The following TLN2 variants were observed in gnomAD, a reference collection of about 807,000 sequenced individuals.
The protein encoded by TLN2 is talin 2.
Under a neutral mutation model 294.7 loss-of-function variants are expected in TLN2, and 118 were observed. The ratio of observed to expected loss-of-function variants is 0.40; its 90% confidence interval spans 0.34 to 0.47. The LOEUF (loss-of-function observed/expected upper bound fraction) is 0.47. Among genes scored for constraint, TLN2 ranks in the 20% least tolerant of loss-of-function variants. The probability of loss-of-function intolerance (pLI) is 0.84; values close to 1 mark genes in which losing one functional copy is unlikely to be tolerated. For synonymous variants in TLN2, 1,431 were observed against 1,304.5 expected (o/e 1.10, Z -2.09); for missense variants, 3,083 against 3,282.2 (o/e 0.94, Z 1.48).
intron 1 of TLN2, among the ~76,000 whole-genome samples, chr15:62,493,577 G>A (rs994815724): frequency 1.3e-5 from 2 of 151,586 alleles, no homozygotes; most frequent in South Asian, 2.1e-4. Flanking sequence ...GCTCTCCCAC[G>A]TAGGAAGCTG....
intron 1 of TLN2, among the ~76,000 whole-genome samples, chr15:62,430,246 C>G (rs2034943564): frequency 1.3e-5 from 2 of 152,148 alleles, no homozygotes; most frequent in South Asian, 4.1e-4. Flanking sequence ...ATACCAGTGT[C>G]TAGAAAGTTA....
In TLN2 at chr15:62,711,975, G is replaced by A; in HGVS notation, c.2532G>A (p.Arg844=). The A allele has an allele frequency of 6.2e-7, 1 of 1,614,184 alleles. No homozygotes were observed. The highest frequency in any genetic ancestry group is 2.2e-5 in the East Asian group (1 of 44,886). ...CATCAGACCTCGTCAATGCCATGAGGTCAGATGCAGAAGCCGAAATCGACA... is the reference window on the plus strand; with the variant it reads ...CATCAGACCTCGTCAATGCCATGAGATCAGATGCAGAAGCCGAAATCGACA... ...QATSDLVNAM[R]SDAEAEIDME... is the part of the protein sequence containing the mutation. Residue 844 remains arginine (R), a synonymous_variant, in exon 22 of 59, where the codon AGG becomes AGA. Coordinates refer to ENST00000636159, the MANE Select transcript of TLN2 (RefSeq NM_015059.3).
chr15:62,459,684 A>C (rs543108652), intron 1 of TLN2, among the ~76,000 whole-genome samples: 1 of 152,134 alleles, frequency 6.6e-6, no homozygotes, highest in Non-Finnish European at 1.5e-5. Flanking sequence ...TTTGCTTGCT[A>C]ACTTTGAGTT....
At chr15:62,429,961 A>G (rs2034927897) in intron 1 of TLN2, among the ~76,000 whole-genome samples, 1 of 152,206 alleles carries the variant, frequency 6.6e-6, no homozygotes, top group Non-Finnish European at 1.5e-5. Flanking sequence ...AAATGCGGAG[A>G]CTTCCTGAGA....
intron 1 of TLN2, among the ~76,000 whole-genome samples, chr15:62,403,235 GA>G (rs11413710): frequency 2.7e-4 from 41 of 149,208 alleles, no homozygotes; most frequent in African/African-American, 7.2e-4. Context: ...AAAAAGAGAG[GA>G]AAAAAAAAAA....
chr15:62,522,782 C>CA (rs2040526025), intron 1 of TLN2, among the ~76,000 whole-genome samples: 4 of 144,046 alleles, frequency 2.8e-5, no homozygotes, highest in Admixed American at 2.7e-4. Flanking sequence ...GCGTCAATTT[C>CA]AGAGTTCAAA....
At chr15:62,643,206 C>T (rs2140920941) in intron 3 of TLN2, among the ~76,000 whole-genome samples, 1 of 152,146 alleles carries the variant, frequency 6.6e-6, no homozygotes, top group East Asian at 1.9e-4. Flanking sequence ...AATATCTTGT[C>T]TTTAAATATA....
intron 2 of TLN2, among the ~76,000 whole-genome samples, chr15:62,598,585 A>G (rs115027256): frequency 3.0e-4 from 46 of 152,174 alleles, no homozygotes; most frequent in African/African-American, 1.1e-3. Flanking sequence ...TGTTTTATCA[A>G]TGACCATTAT....
intron 2 of TLN2, among the ~76,000 whole-genome samples, chr15:62,610,519 C>T (rs1040764924): frequency 2.6e-5 from 4 of 152,224 alleles, no homozygotes; most frequent in African/African-American, 9.6e-5. Flanking sequence ...CAGCCTCCTT[C>T]TGCTTAGGAA....
chr15:62,825,329 A>C (rs2067956904), intron 54 of TLN2, among the ~76,000 whole-genome samples: 1 of 152,176 alleles, frequency 6.6e-6, no homozygotes, highest in South Asian at 2.1e-4. Flanking sequence ...ATGGTTTCAA[A>C]AGGACCTGCA....
In TLN2 at chr15:62,694,427, C is replaced by A. The variant is rs765902392; in HGVS notation, c.1292+35C>A. 4 of 1,583,776 alleles carry A rather than the reference C, an allele frequency of 2.5e-6. No homozygotes were observed. The South Asian group carries it at 3.3e-5, about 13-fold the overall frequency. On this transcript the variant is annotated intron_variant, in intron 14 of 58. Coordinates refer to ENST00000636159, the MANE Select transcript of TLN2 (RefSeq NM_015059.3). ...ATGAAGAGTACTAGAGGACCACCTTCTCCCTAGATAGGTAGGTTTCCTCTT... is the reference window on the plus strand; with the variant it reads ...ATGAAGAGTACTAGAGGACCACCTTATCCCTAGATAGGTAGGTTTCCTCTT...
intron 1 of TLN2, among the ~76,000 whole-genome samples, chr15:62,424,706 C>T (rs1318483026): frequency 6.6e-6 from 1 of 151,158 alleles, no homozygotes; most frequent in Admixed American, 6.6e-5. Context: ...AGGCTGGAGT[C>T]TAGTGGCCCA....
chr15:62,737,370 T>G (rs1269666745), intron 29 of TLN2, among the ~76,000 whole-genome samples: 4 of 152,216 alleles, frequency 2.6e-5, no homozygotes, highest in African/African-American at 9.6e-5. Context: ...GGACATAACA[T>G]GCTTGTTTTG....
At position 62,725,069 on chromosome 15, in the gene TLN2, G is replaced by A. The variant is rs554886368; in HGVS notation, c.3220G>A (p.Val1074Met). 58 of 1,612,922 alleles carry A rather than the reference G, an allele frequency of 3.6e-5. No individual in the cohort carries two copies. In the South Asian group the frequency reaches 3.7e-4, roughly 10 times the overall value. ...NELQDAKMAA[V>M]ESQLKPLPGE... ...ACTGCAGGATGCCAAGATGGCAGCC[G>A]TGGAGAGCCAGCTGAAGCCACTTCC... is the stretch of plus-strand genomic sequence containing the variant. The change falls in exon 27 of 59, where the codon GTG (valine) becomes ATG (methionine). Residue 1074 changes from valine (V) to methionine (M), a missense_variant. Physicochemically the swap from Val to Met is conservative, Grantham distance 21 (BLOSUM62 1). Transcript: ENST00000636159.
Position 62,809,929 on chromosome 15 carries a change from C to T in TLN2, c.6668C>T (p.Ala2223Val). Residue 2223 changes from alanine to valine, a missense_variant, in exon 52 of 59, where the codon GCA becomes GTA. Coordinates refer to ENST00000636159, the MANE Select transcript of TLN2 (RefSeq NM_015059.3). ...VSDMLTACKQ[A>V]SFHPDVSDEV... ...AGCATTCCTTTCTCTCTCCAGCAAG[C>T]ATCCTTCCACCCCGATGTCAGTGAC... 6.2e-7 allele frequency: 1 copy of T among 1,614,110 alleles called. No homozygotes were observed. Among genetic ancestry groups the T allele is most frequent in the Non-Finnish European group, 8.5e-7 (1 of 1,179,984 alleles).
intron 9 of TLN2, among the ~76,000 whole-genome samples, chr15:62,673,304 A>T (rs958235138): frequency 2.4e-3 from 24 of 9,852 alleles, no homozygotes; most frequent in East Asian, 7.7e-3. Context: ...AGATTTTTAG[A>T]TGTTGCTTTT....
rs756957005 is a variant in TLN2 at position 62,835,880 on chromosome 15, A to C, written c.7192-11A>C. The C allele has an allele frequency of 2.5e-6, 4 of 1,614,050 alleles. No homozygotes were observed. Among genetic ancestry groups the C allele is most frequent in the Non-Finnish European group, 3.4e-6 (4 of 1,179,994 alleles). On this transcript the variant is annotated splice_polypyrimidine_tract_variant and intron_variant, in intron 56 of 58. Coordinates refer to ENST00000636159, the MANE Select transcript of TLN2 (RefSeq NM_015059.3). ...TGGGCCTTGGGTCACTTCTCCGTTG[A>C]CTGTCCCCAGGCCCGGATGGTGGCG... is the stretch of plus-strand genomic sequence containing the variant.
At chr15:62,553,179 A>G (rs542421852) in intron 1 of TLN2, among the ~76,000 whole-genome samples, 92 of 152,278 alleles carry the variant, frequency 6.0e-4, no homozygotes, top group African/African-American at 1.7e-3. Context: ...GGCTGGCATT[A>G]TTTTGCATTT....
rs967552963 is a variant in TLN2, at chr15:62,686,968, A to G, written c.1113+172A>G. ...CAGGGAAGGGGATGGGTCCAGAAGT[A>G]AAAGAGAGGTCAGCAAGCCTGGGTT... On this transcript the variant is annotated intron_variant, in intron 12 of 58. Coordinates refer to ENST00000636159, the MANE Select transcript of TLN2 (RefSeq NM_015059.3). 2.6e-5 allele frequency among the ~76,000 whole-genome samples: 4 copies of G among 152,212 alleles called. No homozygotes were observed. The East Asian group carries it at 7.7e-4, about 29-fold the overall frequency.
Sources: gnomAD v4.1 joint callset for allele counts (sites outside exome capture counted in the v4.1 genomes callset) on GRCh38, gnomAD v4.1.1 for gene constraint, MANE v1.5 for transcripts, NCBI Gene and HGNC (gene_info 2026-07-23, HGNC 2026-07-21) for gene names.